C10orf71: variants seen among roughly 807,000 people sequenced by gnomAD.
The protein encoded by C10orf71 is chromosome 10 open reading frame 71, also known as cardiac-enriched FHL2-interacting protein.
For synonymous variants in C10orf71, 758 were observed against 726.3 expected (o/e 1.04, Z -0.70); for missense variants, 1,869 against 1,804.5 (o/e 1.04, Z -0.65).
At chr10:49,297,305 G>A (rs1848655136), upstream of C10orf71, among the ~76,000 whole-genome samples, 1 of 152,190 alleles carries the variant, frequency 6.6e-6, no homozygotes, top group Non-Finnish European at 1.5e-5. Flanking sequence ...CTAACATCTG[G>A]AACAAAATGA....
chr10:49,311,708 G>A (rs953777484), intron 1 of C10orf71, among the ~76,000 whole-genome samples: 3 of 152,226 alleles, frequency 2.0e-5, no homozygotes, highest in Non-Finnish European at 2.9e-5. Context: ...CAGCAGTTGT[G>A]GCTGAGGACA....
intron 1 of C10orf71, among the ~76,000 whole-genome samples, chr10:49,305,564 C>T (rs535592795): frequency 3.2e-4 from 49 of 152,346 alleles, no homozygotes; most frequent in African/African-American, 1.1e-3. Flanking sequence ...CTCATTCACT[C>T]ACTTGTTTAG....
In C10orf71 at chr10:49,324,286, A is replaced by G. The variant is rs774903024; in HGVS notation, c.1741A>G (p.Ser581Gly). The G allele has an allele frequency of 5.1e-5, 83 of 1,613,788 alleles. No homozygotes were observed. Among genetic ancestry groups the G allele is most frequent in the Non-Finnish European group, 6.6e-5 (78 of 1,179,878 alleles). The change falls in exon 3 of 3, where the codon AGT (serine) becomes GGT (glycine). Residue 581 changes from serine (S) to glycine (G), a missense_variant. Transcript: ENST00000374144. The part of the protein sequence containing the change: ...NPQKDPTADP[S>G]EPSADSYLTL... ...CCAGAAGGACCCTACAGCTGACCCC[A>G]GTGAGCCCTCTGCAGACAGCTATCT...
At position 49,326,148 on chromosome 10, in the gene C10orf71, T is replaced by TG. The variant is rs1007970664; in HGVS notation, c.3605dup (p.Glu1203ArgfsTer99). 6.4e-7 allele frequency: 1 copy of TG among 1,551,454 alleles called. No homozygotes were observed. The highest frequency in any genetic ancestry group is 1.4e-5 in the African/African-American group (1 of 73,016). On this transcript the variant is annotated frameshift_variant, in exon 3 of 3. Coordinates refer to ENST00000374144, the MANE Select transcript of C10orf71 (RefSeq NM_001135196.2). LOFTEE classifies it low-confidence loss of function (END_TRUNC). ...AGACGGATCAGGCTCAGGAGAAGCA[T>TG]GGCGAGTCACAGGAGGGAAAGCCCT... is the stretch of plus-strand genomic sequence containing the variant.
chr10:49,327,141 C>A lies in C10orf71; in HGVS notation c.*288C>A. ...CACTCTACTCCAGCCCTTCTCCCTC[C>A]CTCCCTTCCTCCCTCTCCTGGCCCA... On this transcript the variant is annotated 3_prime_UTR_variant, in exon 3 of 3. Transcript: ENST00000374144. 1 of 972,194 alleles carries A rather than the reference C, an allele frequency of 1.0e-6. No homozygotes were observed. 60.2% of individuals were successfully genotyped at this position (972,194 alleles called of 1,614,324 possible). A position where few individuals can be genotyped will look rare whatever the true frequency, so the allele number is the denominator to read the frequency against.
rs1849120165 is a variant in C10orf71, at chr10:49,322,787, T to C, written c.242T>C (p.Ile81Thr). The C allele has an allele frequency of 6.2e-7, 1 of 1,613,642 alleles. No homozygotes were observed. Residue 81 changes from isoleucine (I) to threonine (T), a missense_variant, in exon 3 of 3, where the codon ATT becomes ACT. Ile to Thr is a moderately conservative substitution (Grantham distance 89). Transcript: ENST00000374144. ...TVGHTQRKSG[I>T]WSQLPSQGTE... ...GGCCACACCCAGAGGAAAAGTGGCA[T>C]TTGGAGCCAGTTACCGTCACAGGGC...
At chr10:49,304,116 C>G (rs1448258863) in intron 1 of C10orf71, among the ~76,000 whole-genome samples, 2 of 152,234 alleles carry the variant, frequency 1.3e-5, no homozygotes, top group Non-Finnish European at 2.9e-5. Flanking sequence ...CATGCCTCCT[C>G]TAGCTTTACT....
In C10orf71 at chr10:49,324,427, G is replaced by A; in HGVS notation, c.1882G>A (p.Ala628Thr). 6.2e-7 allele frequency: 1 copy of A among 1,609,746 alleles called. No homozygotes were observed. ...EVEGELEMGP[A>T]GSSWCPDSRE... ...GGAAGGAGAGTTGGAGATGGGTCCT[G>A]CCGGATCCAGCTGGTGTCCAGACTC... is the stretch of plus-strand genomic sequence containing the variant. The change falls in exon 3 of 3, where the codon GCC (alanine) becomes ACC (threonine). Residue 628 changes from alanine to threonine, a missense_variant. Coordinates refer to ENST00000374144, the MANE Select transcript of C10orf71 (RefSeq NM_001135196.2).
At chr10:49,303,825 AC>A (rs147542883) in intron 1 of C10orf71, among the ~76,000 whole-genome samples, 5,250 of 152,328 alleles carry the variant, frequency 0.034, 116 homozygotes, top group Middle Eastern at 0.092. Flanking sequence ...TCAGCTCCTT[AC>A]ATTGCACTGC....
At chr10:49,307,968 A>G (rs557162923) in intron 1 of C10orf71, among the ~76,000 whole-genome samples, 2 of 152,150 alleles carry the variant, frequency 1.3e-5, no homozygotes, top group Admixed American at 6.5e-5. Context: ...CCTGGCCTCA[A>G]CTGTAGGCAC....
At chr10:49,317,910 CAT>C (rs1276276058) in intron 2 of C10orf71, among the ~76,000 whole-genome samples, 3 of 152,024 alleles carry the variant, frequency 2.0e-5, no homozygotes, top group Non-Finnish European at 4.4e-5. Flanking sequence ...GAGAGACAAG[CAT>C]AGAGGGAAGA....
At chr10:49,307,727 T>C (rs1299339262) in intron 1 of C10orf71, among the ~76,000 whole-genome samples, 5 of 152,216 alleles carry the variant, frequency 3.3e-5, no homozygotes. Flanking sequence ...CCCAGAGAGC[T>C]GGTTATTAAA....
intron 2 of C10orf71, among the ~76,000 whole-genome samples, chr10:49,319,771 TCACA>T (rs55987453): frequency 1.4e-5 from 2 of 141,216 alleles, no homozygotes; most frequent in East Asian, 4.3e-4. Flanking sequence ...TATATGTATA[TCACA>T]CACACACACA....
Position 49,323,545 on chromosome 10 carries a change from G to A in C10orf71, c.1000G>A (p.Glu334Lys), listed in dbSNP as rs1484560930. Residue 334 changes from glutamate (E) to lysine (K), a missense_variant, in exon 3 of 3, where the codon GAA (glutamate) becomes AAA (lysine). Glu to Lys is a moderately conservative substitution (Grantham distance 56). Transcript: ENST00000374144. ...CCAGGTCCAGGCCAGCTGCAGTCAGGAAGAGAACAGACTTGCAGCAGGGGC... is the reference window on the plus strand; with the variant it reads ...CCAGGTCCAGGCCAGCTGCAGTCAGAAAGAGAACAGACTTGCAGCAGGGGC... Reference protein sequence around the residue: ...PCQVQASCSQEENRLAAGALS... With the variant: ...PCQVQASCSQKENRLAAGALS... 9 of 1,609,592 alleles carry A rather than the reference G, an allele frequency of 5.6e-6. No individual in the cohort carries two copies. The highest frequency in any genetic ancestry group is 2.2e-5 in the East Asian group (1 of 44,802).
Position 49,302,509 on chromosome 10 carries a change from C to A in C10orf71, c.-248+3276C>A, listed in dbSNP as rs1848745784. Among the ~76,000 whole-genome samples, 3 of 152,240 alleles carry A rather than the reference C, an allele frequency of 2.0e-5. No homozygotes were observed. The East Asian group carries it at 5.8e-4, about 29-fold the overall frequency. ...TCCAGTGAGCAAAGTTTTGGAGTAT[C>A]TGGTCTCATTCTCAACCATCCAGCA... On this transcript the variant is annotated intron_variant, in intron 1 of 2. Transcript: ENST00000374144.
At chr10:49,310,543 G>T (rs906938412) in intron 1 of C10orf71, among the ~76,000 whole-genome samples, 1 of 152,168 alleles carries the variant, frequency 6.6e-6, no homozygotes, top group African/African-American at 2.4e-5. Flanking sequence ...GCACCTCTCT[G>T]TGCCTTTGTT....
Position 49,323,168 on chromosome 10 carries a change from A to G in C10orf71, c.623A>G (p.Asn208Ser), listed in dbSNP as rs780447164. 6.2e-7 allele frequency: 1 copy of G among 1,613,944 alleles called. No individual in the cohort carries two copies. The highest frequency in any genetic ancestry group is 8.5e-7 in the Non-Finnish European group (1 of 1,179,878). ...VPAEVSNTHQ[N>S]SYQPGRKHGE... ...GCTGAAGTTTCCAACACCCATCAGAACAGCTACCAGCCAGGCAGGAAGCAC... is the reference window on the plus strand; with the variant it reads ...GCTGAAGTTTCCAACACCCATCAGAGCAGCTACCAGCCAGGCAGGAAGCAC... Residue 208 changes from asparagine (N) to serine (S), a missense_variant, in exon 3 of 3, where the codon AAC (asparagine) becomes AGC (serine). Asn to Ser is a conservative substitution (Grantham distance 46). Transcript: ENST00000374144.
In C10orf71 at chr10:49,326,942, C is replaced by CACACACACACACAT; in HGVS notation, c.*102_*103insTACACACACACACA. The CACACACACACACAT allele has an allele frequency of 6.4e-7, 1 of 1,563,190 alleles. No homozygotes were observed. On this transcript the variant is annotated 3_prime_UTR_variant, in exon 3 of 3. Coordinates refer to ENST00000374144, the MANE Select transcript of C10orf71 (RefSeq NM_001135196.2). ...AACAAGCAACACACACACACACACA[C>CACACACACACACAT]ACACACACACACACACACACGATCA...
chr10:49,324,745 G>T lies in C10orf71; in HGVS notation c.2200G>T (p.Asp734Tyr), dbSNP rs1849184212. ...GGCCAAATTCAGCACCAGCTCTTCA[G>T]ATCAATCCTTTGCCTCATTTGATGA... ...GKAKFSTSSSDQSFASFDDQQ... is the reference protein window; with the variant it reads ...GKAKFSTSSSYQSFASFDDQQ... The change falls in exon 3 of 3, where the codon GAT becomes TAT. Residue 734 changes from aspartate (D) to tyrosine (Y), a missense_variant. Coordinates refer to ENST00000374144, the MANE Select transcript of C10orf71 (RefSeq NM_001135196.2). 2 of 1,565,174 alleles carry T rather than the reference G, an allele frequency of 1.3e-6. No individual in the cohort carries two copies. The highest frequency in any genetic ancestry group is 1.7e-6 in the Non-Finnish European group (2 of 1,153,188).
Sources: allele counts gnomAD v4.1 joint callset (sites outside exome capture counted in the v4.1 genomes callset), GRCh38; gene constraint gnomAD v4.1.1; transcripts MANE v1.5; gene names NCBI Gene and HGNC (gene_info 2026-07-23, HGNC 2026-07-21).